Variants in ZSWIM5 observed in about 807,000 individuals in gnomAD.
ZSWIM5 encodes zinc finger SWIM-type containing 5.
ZSWIM5 carries 55 observed loss-of-function variants against 119.6 expected under a neutral mutation model. The ratio of observed to expected loss-of-function variants is 0.46; its 90% confidence interval spans 0.37 to 0.58. ZSWIM5 has a LOEUF of 0.58. Among genes scored for constraint, ZSWIM5 ranks in the 20% least tolerant of loss-of-function variants. ZSWIM5 has a pLI of 0.00. For missense variants in ZSWIM5, 1,193 were observed against 1,512.8 expected (o/e 0.79, Z 3.51); for synonymous variants, 537 against 606.9 (o/e 0.88, Z 1.69).
chr1:45,123,665 A>G (rs1645605787), intron 1 of ZSWIM5, among the ~76,000 whole-genome samples: 1 of 152,208 alleles, frequency 6.6e-6, no homozygotes. Context: ...CCAGAAGCAG[A>G]AAAAAGAGGG....
chr1:45,080,098 G>A (rs1375093502), intron 2 of ZSWIM5, among the ~76,000 whole-genome samples: 3 of 152,134 alleles, frequency 2.0e-5, no homozygotes, highest in Non-Finnish European at 2.9e-5. Flanking sequence ...GTTAAGGGAA[G>A]GGTGATGCCA....
At chr1:45,202,632 G>A (rs939719278) in intron 1 of ZSWIM5, among the ~76,000 whole-genome samples, 4 of 152,024 alleles carry the variant, frequency 2.6e-5, no homozygotes, top group Non-Finnish European at 5.9e-5. Context: ...TAACTAAGAT[G>A]TACCAGGCGC....
rs569184743 is a variant in ZSWIM5 at position 45,143,369 on chromosome 1, C to T, written c.596-55132G>A. 5.3e-5 allele frequency among the ~76,000 whole-genome samples: 8 copies of T among 152,084 alleles called. No individual in the cohort carries two copies. In the East Asian group the frequency reaches 1.4e-3, roughly 26 times the overall value. On this transcript the variant is annotated intron_variant, in intron 1 of 13. Transcript: ENST00000359600. ...TATTTGAAAAGTAATTTATGTAATC[C>T]ACCATATTAACAGTCTAAAGAATAA...
intron 1 of ZSWIM5, 111 bp downstream of exon 1, chr1:45,205,645 G>C: frequency 1.0e-5 from 12 of 1,161,554 alleles, no homozygotes; most frequent in Non-Finnish European, 1.4e-5. Flanking sequence ...CTTCGGCAGG[G>C]GTACAGGAGT....
chr1:45,051,934 T>C (rs2148997494), intron 4 of ZSWIM5, among the ~76,000 whole-genome samples: 1 of 152,198 alleles, frequency 6.6e-6, no homozygotes, highest in East Asian at 1.9e-4. Context: ...AGAAAAATAA[T>C]TTATTTGGAC....
chr1:45,163,028 G>A (rs1645873398), intron 1 of ZSWIM5, among the ~76,000 whole-genome samples: 1 of 152,204 alleles, frequency 6.6e-6, no homozygotes, highest in Non-Finnish European at 1.5e-5. Context: ...CTCCTCAAGT[G>A]GGTCCTTGAC....
intron 1 of ZSWIM5, among the ~76,000 whole-genome samples, chr1:45,158,211 C>T (rs1645842799): frequency 6.6e-6 from 1 of 152,128 alleles, no homozygotes; most frequent in Admixed American, 6.5e-5. Context: ...GTCGCCCAGG[C>T]TGGAGTGCTG....
chr1:45,039,674 T>G (rs2148993110), intron 7 of ZSWIM5, among the ~76,000 whole-genome samples: 1 of 151,224 alleles, frequency 6.6e-6, no homozygotes, highest in Admixed American at 6.6e-5. Context: ...CGTGAGCCAC[T>G]GTGCCTGGCA....
At chr1:45,059,982 A>C (rs1645143254) in intron 3 of ZSWIM5, 117 bp downstream of exon 3, 1 of 1,280,978 alleles carries the variant, frequency 7.8e-7, no homozygotes, top group African/African-American at 1.5e-5. Context: ...TCAAGTATTC[A>C]GTTCAGCTAT....
intron 1 of ZSWIM5, among the ~76,000 whole-genome samples, chr1:45,135,576 T>G (rs1645684310): frequency 6.6e-6 from 1 of 152,224 alleles, no homozygotes. Context: ...CAGCCTCCAA[T>G]TATACTCTGA....
At chr1:45,158,238 T>C (rs1645842937) in intron 1 of ZSWIM5, among the ~76,000 whole-genome samples, 1 of 152,070 alleles carries the variant, frequency 6.6e-6, no homozygotes, top group South Asian at 2.1e-4. Flanking sequence ...GATCTCGGCT[T>C]GCTCACTGCA....
intron 1 of ZSWIM5, among the ~76,000 whole-genome samples, chr1:45,187,168 T>C (rs1646064295): frequency 6.6e-6 from 1 of 151,988 alleles, no homozygotes; most frequent in Non-Finnish European, 1.5e-5. Flanking sequence ...AAAAGAAGAA[T>C]AAAGTTGGAG....
At chr1:45,143,925 A>G (rs1425880834) in intron 1 of ZSWIM5, among the ~76,000 whole-genome samples, 2 of 152,124 alleles carry the variant, frequency 1.3e-5, no homozygotes, top group African/African-American at 4.8e-5. Flanking sequence ...ATATTTAGGT[A>G]TAAGTCTAAC....
intron 1 of ZSWIM5, among the ~76,000 whole-genome samples, chr1:45,164,326 A>G (rs1645886006): frequency 6.6e-6 from 1 of 152,202 alleles, no homozygotes; most frequent in Admixed American, 6.6e-5. Context: ...GGAAGCACTA[A>G]ACATGGAAAG....
At chr1:45,055,084 G>C (rs562309616) in intron 4 of ZSWIM5, among the ~76,000 whole-genome samples, 1 of 151,968 alleles carries the variant, frequency 6.6e-6, no homozygotes, top group Non-Finnish European at 1.5e-5. Flanking sequence ...CTCGCCTCCC[G>C]GGTTCATGCC....
At chr1:45,085,196 T>G (rs1057009137) in intron 2 of ZSWIM5, among the ~76,000 whole-genome samples, 1 of 152,194 alleles carries the variant, frequency 6.6e-6, no homozygotes, top group Non-Finnish European at 1.5e-5. Flanking sequence ...GGGGCCCTTT[T>G]AGCCACAGCC....
At chr1:45,130,912 T>C (rs1325969188) in intron 1 of ZSWIM5, among the ~76,000 whole-genome samples, 2 of 152,168 alleles carry the variant, frequency 1.3e-5, no homozygotes, top group Non-Finnish European at 2.9e-5. Flanking sequence ...AAACATGCAA[T>C]TGATAACACA....
intron 10 of ZSWIM5, among the ~76,000 whole-genome samples, chr1:45,035,117 T>G (rs778810026): frequency 6.6e-6 from 1 of 152,174 alleles, no homozygotes; most frequent in South Asian, 2.1e-4. Context: ...AAGAAATACA[T>G]GCCAAGGAAT....
chr1:45,137,942 TG>T (rs1260263218), intron 1 of ZSWIM5, among the ~76,000 whole-genome samples: 4 of 152,186 alleles, frequency 2.6e-5, no homozygotes, highest in Admixed American at 2.6e-4. Context: ...ACATGGCTAC[TG>T]TAAAGAATTC....
Sources: gnomAD v4.1 joint callset for allele counts (sites outside exome capture counted in the v4.1 genomes callset) on GRCh38, gnomAD v4.1.1 for gene constraint, MANE v1.5 for transcripts, NCBI Gene and HGNC (gene_info 2026-07-23, HGNC 2026-07-21) for gene names.